MPPED2: variants seen among roughly 807,000 people sequenced by gnomAD.
The protein encoded by MPPED2 is metallophosphoesterase MPPED2.
MPPED2 carries 5 observed loss-of-function variants against 33.0 expected under a neutral mutation model. The ratio of observed to expected loss-of-function variants is 0.15; its 90% CI spans 0.08 to 0.32. MPPED2 has a LOEUF of 0.32. Ranked by LOEUF, MPPED2 falls within the 10% of genes least tolerant of loss-of-function variation. MPPED2 has a pLI of 1.00. For missense variants in MPPED2, 275 were observed against 372.1 expected (o/e 0.74, Z 2.15); for synonymous variants, 136 against 141.9 (o/e 0.96, Z 0.29).
intron 4 of MPPED2, among the ~76,000 whole-genome samples, chr11:30,469,569 T>C (rs1436111771): frequency 6.6e-6 from 1 of 152,204 alleles, no homozygotes; most frequent in African/African-American, 2.4e-5. Context: ...TTAAGTACAT[T>C]ACTATAATGT....
intron 4 of MPPED2, among the ~76,000 whole-genome samples, chr11:30,474,009 G>A (rs7111476): frequency 0.48 from 72,833 of 152,024 alleles, 17,442 homozygotes; most frequent in Admixed American, 0.53. Flanking sequence ...CTGAGCTAGA[G>A]GACCCAGCTA....
intron 4 of MPPED2, among the ~76,000 whole-genome samples, chr11:30,467,041 G>A (rs1029259110): frequency 6.6e-6 from 1 of 152,152 alleles, no homozygotes; most frequent in African/African-American, 2.4e-5. Context: ...ATATTAATCT[G>A]TGTTTGATTT....
intron 4 of MPPED2, among the ~76,000 whole-genome samples, chr11:30,465,107 G>T (rs370884607): frequency 1.3e-5 from 2 of 152,110 alleles, no homozygotes; most frequent in Non-Finnish European, 2.9e-5. Context: ...GTTCTCAAAC[G>T]GAAGTGATGC....
At chr11:30,452,088 G>A in intron 4 of MPPED2, 1 of 985,322 alleles carries the variant, frequency 1.0e-6, no homozygotes, top group Non-Finnish European at 1.2e-6. Context: ...TGGTCACTGT[G>A]GAAAGAAAGC....
chr11:30,391,765 A>C (rs1243152862), intron 6 of MPPED2, among the ~76,000 whole-genome samples: 1 of 152,220 alleles, frequency 6.6e-6, no homozygotes, highest in East Asian at 1.9e-4. Context: ...ATATATTTAT[A>C]GAATCAAATA....
intron 2 of MPPED2, among the ~76,000 whole-genome samples, chr11:30,562,310 A>G (rs1956270628): frequency 6.6e-6 from 1 of 152,210 alleles, no homozygotes; most frequent in African/African-American, 2.4e-5. Context: ...AGACTTGAGA[A>G]GAACCAAAGG....
At chr11:30,527,850 C>T (rs1386267826) in intron 3 of MPPED2, among the ~76,000 whole-genome samples, 1 of 152,194 alleles carries the variant, frequency 6.6e-6, no homozygotes, top group African/African-American at 2.4e-5. Flanking sequence ...ACCTCAACAA[C>T]AGAGCATGAA....
At chr11:30,384,872 C>G (rs966328551) in exon 7 of MPPED2, 1 of 152,190 alleles carries the variant, frequency 6.6e-6, no homozygotes, top group African/African-American at 2.4e-5. Context: ...AGAAGCAGAG[C>G]CAGAACTAAA....
At chr11:30,532,476 A>C (rs1186820244) in intron 3 of MPPED2, among the ~76,000 whole-genome samples, 1 of 152,182 alleles carries the variant, frequency 6.6e-6, no homozygotes, top group Non-Finnish European at 1.5e-5. Context: ...TTGGGATTCT[A>C]TGCCACTGGC....
intron 1 of MPPED2, among the ~76,000 whole-genome samples, chr11:30,583,138 T>TTTC (rs1957258785): frequency 3.0e-5 from 1 of 32,898 alleles, no homozygotes; most frequent in Non-Finnish European, 7.1e-5. Context: ...CTTTTTCTTT[T>TTTC]TTTTTTTTTT....
intron 4 of MPPED2, 93 bp downstream of exon 4, chr11:30,495,203 A>C (rs979137379): frequency 3.0e-5 from 26 of 863,390 alleles, no homozygotes; most frequent in Non-Finnish European, 1.3e-5. Context: ...CTTTCATCCT[A>C]ATCATTTTCA....
rs985282290 is a variant in MPPED2, at chr11:30,536,298, G to A, written c.129-123C>T. On this transcript the variant is annotated intron_variant, in intron 2 of 6. Transcript: ENST00000358117. The stretch of plus-strand genomic sequence containing the variant: ...CAGACAAACTGACGCAAAGGCAGAA[G>A]GGCCCACTGTAATTAAGGACACTTC... 5.0e-6 allele frequency: 4 copies of A among 806,020 alleles called. No homozygotes were observed. The East Asian group carries it at 9.1e-5, about 18-fold the overall frequency. 49.9% of individuals were successfully genotyped at this position (806,020 alleles called of 1,614,324 possible).
intron 6 of MPPED2, among the ~76,000 whole-genome samples, chr11:30,389,599 A>G (rs1156912918): frequency 2.0e-5 from 3 of 152,224 alleles, no homozygotes; most frequent in Non-Finnish European, 2.9e-5. Context: ...CAGTTAACCA[A>G]TGACAAATTT....
At chr11:30,541,867 C>T (rs966386879) in intron 2 of MPPED2, among the ~76,000 whole-genome samples, 1 of 152,204 alleles carries the variant, frequency 6.6e-6, no homozygotes, top group African/African-American at 2.4e-5. Flanking sequence ...GTTAGGAGTA[C>T]AGGAGTGAGC....
chr11:30,420,099 G>A (rs183114832), intron 4 of MPPED2, among the ~76,000 whole-genome samples: 293 of 152,200 alleles, frequency 1.9e-3, no homozygotes, highest in Non-Finnish European at 2.9e-3. Flanking sequence ...TACTGTACAC[G>A]GCAAGGGGAA....
chr11:30,535,952 G>C, intron 3 of MPPED2, 42 bp downstream of exon 3: 2 of 1,519,216 alleles, frequency 1.3e-6, no homozygotes, highest in Non-Finnish European at 1.8e-6. Context: ...CACTCGGACG[G>C]GAAAGGTTAA....
chr11:30,580,366 T>G lies in MPPED2; in HGVS notation c.8A>C (p.His3Pro), dbSNP rs750691233. The change falls in exon 2 of 7, where the codon CAT (histidine) becomes CCT (proline). Residue 3 changes from histidine to proline, a missense_variant. By Grantham distance (77) the His-to-Pro change is moderately conservative (BLOSUM62 -2). Coordinates refer to ENST00000358117, the MANE Select transcript of MPPED2 (RefSeq NM_001584.3). Reference sequence around the variant, plus strand: ...AACTTTGCCTTGAGAAGGAATCCCATGTGCCATCCTTCCTCCCTATAGGCA... The same window carrying G: ...AACTTTGCCTTGAGAAGGAATCCCAGGTGCCATCCTTCCTCCCTATAGGCA... MA[H>P]GIPSQGKVTI... The G allele has an allele frequency of 6.2e-7, 1 of 1,614,148 alleles. No individual in the cohort carries two copies. Among genetic ancestry groups the G allele is most frequent in the South Asian group, 1.1e-5 (1 of 91,080 alleles).
At position 30,411,506 on chromosome 11, in the gene MPPED2, G is replaced by T. The variant is rs770925333; in HGVS notation, c.847C>A (p.Pro283Thr). 3 of 1,614,004 alleles carry T rather than the reference G, an allele frequency of 1.9e-6. No homozygotes were observed. Among genetic ancestry groups the T allele is most frequent in the South Asian group, 1.1e-5 (1 of 91,060 alleles). Residue 283 changes from proline (P) to threonine (T), a missense_variant, in exon 7 of 7, where the codon CCA (proline) becomes ACA (threonine). Transcript: ENST00000358117. ...GGGTTTGGAAGGTCAAATATAATTG[G>T]AGGGTTGGTCGGTTGAAAGCTGACT... ...CTVSFQPTNP[P>T]IIFDLPNPQG... is the part of the protein sequence containing the mutation.
At chr11:30,401,852 T>TTG (rs1947912968) in intron 6 of MPPED2, among the ~76,000 whole-genome samples, 1 of 105,182 alleles carries the variant, frequency 9.5e-6, no homozygotes, top group Non-Finnish European at 2.3e-5. Flanking sequence ...GGCCAGCTAA[T>TTG]TTTTTGTATT....
Sources: allele counts gnomAD v4.1 joint callset (sites outside exome capture counted in the v4.1 genomes callset), GRCh38; gene constraint gnomAD v4.1.1; transcripts MANE v1.5; gene names NCBI Gene and HGNC (gene_info 2026-07-23, HGNC 2026-07-21).